Variants in CEP170B observed in about 807,000 individuals in gnomAD.
CEP170B encodes the protein centrosomal protein of 170 kDa protein B.
CEP170B carries 55 observed loss-of-function variants against 120.6 expected under a neutral mutation model. That is an observed-to-expected ratio of 0.46 (90% CI 0.37 to 0.57). The LOEUF (loss-of-function observed/expected upper bound fraction) is 0.57, where lower values mean the gene tolerates loss of function less well. Among genes scored for constraint, CEP170B ranks in the 20% least tolerant of loss-of-function variants. The pLI, the probability that CEP170B is intolerant of heterozygous loss-of-function variation, is 0.00. For synonymous variants in CEP170B, 1,033 were observed against 954.5 expected (o/e 1.08, Z -1.52); for missense variants, 2,212 against 2,253.3 (o/e 0.98, Z 0.37).
rs759732492 is a variant in CEP170B at position 104,893,541 on chromosome 14, G to A, written c.4057G>A (p.Glu1353Lys). 2.5e-6 allele frequency: 4 copies of A among 1,604,898 alleles called. No individual in the cohort carries two copies. The highest frequency in any genetic ancestry group is 2.2e-5 in the East Asian group (1 of 44,550). ...AREELVQRIP[E>K]ASLNFQKVPP... is the part of the protein sequence containing the mutation. ...CTTGCAGCTGGTGCAGCGCATCCCC[G>A]AGGCCAGCCTCAACTTCCAGAAGGT... Residue 1353 changes from glutamate (E) to lysine (K), a missense_variant, in exon 15 of 19, where the codon GAG becomes AAG. This residue lies in a region of CEP170B where 2,166 missense variants were observed against 2,166.7 expected (regional missense o/e 1.00). Coordinates refer to ENST00000414716, the MANE Select transcript of CEP170B (RefSeq NM_001112726.3).
intron 13 of CEP170B, 55 bp from the exon 14 acceptor site, chr14:104,892,921 C>A (rs534484012): frequency 5.8e-4 from 889 of 1,540,758 alleles, no homozygotes; most frequent in Middle Eastern, 9.6e-4. Flanking sequence ...CTGTCTGGCC[C>A]CTGCTGCCCC....
At position 104,882,064 on chromosome 14, in the gene CEP170B, G is replaced by A. The variant is rs185429987; in HGVS notation, c.473-664G>A. Reference sequence around the variant, plus strand: ...GGAGACTGTGGGCATGAGGGCCAGCGCCCTGACCTGAGGGCACTGGACACT... The same window carrying A: ...GGAGACTGTGGGCATGAGGGCCAGCACCCTGACCTGAGGGCACTGGACACT... On this transcript the variant is annotated intron_variant, in intron 6 of 18. Coordinates refer to ENST00000414716, the MANE Select transcript of CEP170B (RefSeq NM_001112726.3). 5.3e-5 allele frequency among the ~76,000 whole-genome samples: 8 copies of A among 152,286 alleles called. No individual in the cohort carries two copies. In the East Asian group the frequency reaches 7.7e-4, roughly 15 times the overall value.
At chr14:104,886,178 C>A (rs1177426730) in intron 11 of CEP170B, 48 bp downstream of exon 11, 2 of 1,485,956 alleles carry the variant, frequency 1.3e-6, no homozygotes, top group African/African-American at 1.4e-5. Flanking sequence ...CCGGGGCGGG[C>A]CTCAGGCCAC....
rs911702512 is a variant in CEP170B at position 104,877,836 on chromosome 14, A to G, written c.196-49A>G. ...CCACCCTGCGGCCCTGCCCACAGCC[A>G]CCCACCCGCGCAGCTCCCCCCCCCC... On this transcript the variant is annotated intron_variant, in intron 3 of 18. Coordinates refer to ENST00000414716, the MANE Select transcript of CEP170B (RefSeq NM_001112726.3). The G allele has an allele frequency of 1.3e-5, 3 of 237,168 alleles. No individual in the cohort carries two copies. The East Asian group carries it at 3.0e-4, about 23-fold the overall frequency. 14.7% of individuals were successfully genotyped at this position (237,168 alleles called of 1,614,324 possible).
rs5811157 is a variant in CEP170B, at chr14:104,872,489, CGT to C, written c.106-3757_106-3756del. Reference sequence around the variant, plus strand: ...GTGTGCCGTGTGTGTGCGTGTGTGCCGTGTGTGTGTGCGTGTGTAAGTGTGCA... The same window carrying C: ...GTGTGCCGTGTGTGTGCGTGTGTGCCGTGTGTGTGCGTGTGTAAGTGTGCA... On this transcript the variant is annotated intron_variant, in intron 2 of 18. Transcript: ENST00000414716. 4.0e-3 allele frequency among the ~76,000 whole-genome samples: 306 copies of C among 76,770 alleles called. 34 individuals are homozygous for C. The highest frequency in any genetic ancestry group is 1.7e-3 in the Non-Finnish European group (46 of 27,412). The allele number at this position is 76,770 out of a possible 152,430, so 50.4% of individuals were successfully genotyped here.
At chr14:104,866,772 G>A (rs1895229272) in intron 1 of CEP170B, among the ~76,000 whole-genome samples, 1 of 152,184 alleles carries the variant, frequency 6.6e-6, no homozygotes, top group Non-Finnish European at 1.5e-5. Context: ...TGAAGACCTT[G>A]GGCGTGGGCA....
At chr14:104,878,371 T>A in intron 4 of CEP170B, 72 bp from the exon 5 acceptor site, 3 of 1,503,450 alleles carry the variant, frequency 2.0e-6, no homozygotes, top group Non-Finnish European at 2.8e-6. Flanking sequence ...CTGGCACACC[T>A]GTTGCTGGGC....
In CEP170B at chr14:104,894,888, G is replaced by A. The variant is rs746008490; in HGVS notation, c.4595G>A (p.Arg1532Gln). 37 of 1,603,118 alleles carry A rather than the reference G, an allele frequency of 2.3e-5. No individual in the cohort carries two copies. Among genetic ancestry groups the A allele is most frequent in the South Asian group, 5.6e-5 (5 of 90,040 alleles). The change falls in exon 19 of 19, where the codon CGG becomes CAG. Residue 1532 changes from arginine to glutamine, a missense_variant. Around this residue, in one of 2 missense-constraint regions of CEP170B, gnomAD observed 2,166 missense variants for 2,166.7 expected, o/e 1.00. Coordinates refer to ENST00000414716, the MANE Select transcript of CEP170B (RefSeq NM_001112726.3). ...PALPLRNFPQ[R>Q]ASCGPPSLPD... Reference sequence around the variant, plus strand: ...CTGCCCCTGAGGAATTTCCCACAGCGGGCCAGCTGTGGGCCTCCCAGCCTC... The same window carrying A: ...CTGCCCCTGAGGAATTTCCCACAGCAGGCCAGCTGTGGGCCTCCCAGCCTC...
Position 104,865,760 on chromosome 14 carries a change from C to T in CEP170B, c.-28+247C>T, listed in dbSNP as rs1895170427. Among the ~76,000 whole-genome samples, 1 of 152,078 alleles carries T rather than the reference C, an allele frequency of 6.6e-6. No homozygotes were observed. The highest frequency in any genetic ancestry group is 2.1e-4 in the South Asian group (1 of 4,836). On this transcript the variant is annotated intron_variant, in intron 1 of 18. Transcript: ENST00000414716. This position sits in a 1 kb window ranked among gnomAD's most constrained non-coding sequence, Gnocchi z 6.7. ...GCGGAGGGGGCGGCAAGCCTGGGCA[C>T]CCGGGTCCCCGCCCCGGCACCGGCT... is the stretch of plus-strand genomic sequence containing the variant.
At position 104,885,351 on chromosome 14, in the gene CEP170B, A is replaced by G. The variant is rs748749918; in HGVS notation, c.1771-18A>G. ...GCTTCTCTGACCCTCGGTGCCTGGG[A>G]CCATTTCCTCTTGGCAGGTCTTTGG... is the stretch of plus-strand genomic sequence containing the variant. On this transcript the variant is annotated intron_variant, in intron 9 of 18. Transcript: ENST00000414716. The G allele has an allele frequency of 1.3e-6, 2 of 1,543,386 alleles. No homozygotes were observed. The highest frequency in any genetic ancestry group is 1.7e-6 in the Non-Finnish European group (2 of 1,146,524).
chr14:104,866,452 T>A lies in CEP170B; in HGVS notation c.-28+939T>A, dbSNP rs373134768. ...GGAGGGTGGGGCTGTAGAGGCCTCC[T>A]GGAGGCTTTGCTGTCTGGGGCTGCA... On this transcript the variant is annotated intron_variant, in intron 1 of 18. Transcript: ENST00000414716. Among the ~76,000 whole-genome samples the A allele has an allele frequency of 2.0e-5, 3 of 152,204 alleles. No individual in the cohort carries two copies. In the East Asian group the frequency reaches 5.8e-4, roughly 30 times the overall value.
chr14:104,892,618 C>T (rs1243093754), intron 13 of CEP170B, among the ~76,000 whole-genome samples: 5 of 152,234 alleles, frequency 3.3e-5, no homozygotes, highest in African/African-American at 1.2e-4. Context: ...GAGTCCCATC[C>T]ATCCCATTTG....
chr14:104,865,190 G>A (rs1411573192), upstream of CEP170B: 2 of 142,936 alleles, frequency 1.4e-5, no homozygotes, highest in Non-Finnish European at 3.1e-5. This position sits in a 1 kb window ranked among gnomAD's most constrained non-coding sequence, Gnocchi z 6.7. Flanking sequence ...CGCGGGGTGC[G>A]GCGCGGCCGG....
intron 6 of CEP170B, among the ~76,000 whole-genome samples, chr14:104,880,963 GCACCCCTTGAGCC>G: frequency 6.6e-6 from 1 of 152,312 alleles, no homozygotes; most frequent in South Asian, 2.1e-4. Flanking sequence ...GTGCACGCCT[GCACCCCTTGAGCC>G]CACAGTTCTT....
upstream of CEP170B, among the ~76,000 whole-genome samples, chr14:104,864,579 A>C (rs905829060): frequency 2.6e-5 from 4 of 152,088 alleles, no homozygotes; most frequent in Non-Finnish European, 5.9e-5. The surrounding 1 kb of genome is among the most constrained non-coding windows in gnomAD (Gnocchi z 5.9). Flanking sequence ...GCGCCTCCGT[A>C]GTTCCCAACC....
rs567343623 is a variant in CEP170B, at chr14:104,893,980, C to T, written c.4271+131C>T. 3 of 861,904 alleles carry T rather than the reference C, an allele frequency of 3.5e-6. No individual in the cohort carries two copies. The African/African-American group carries it at 5.0e-5, about 14-fold the overall frequency. 53.4% of individuals were successfully genotyped at this position (861,904 alleles called of 1,614,324 possible). On this transcript the variant is annotated intron_variant, in intron 16 of 18. Transcript: ENST00000414716. ...TCGTGTGCACCTGTGGAGCAGCCCT[C>T]CCGTGTGCACGTGTATGTGGCTCCC... is the stretch of plus-strand genomic sequence containing the variant.
intron 5 of CEP170B, among the ~76,000 whole-genome samples, chr14:104,879,144 G>A (rs1566857877): frequency 6.6e-6 from 1 of 152,156 alleles, no homozygotes; most frequent in African/African-American, 2.4e-5. Flanking sequence ...TGGAGTCTTC[G>A]AAGCTGAAGG....
At chr14:104,880,499 T>C in intron 6 of CEP170B, 74 bp downstream of exon 6, 1 of 1,566,134 alleles carries the variant, frequency 6.4e-7, no homozygotes, top group Non-Finnish European at 8.6e-7. Flanking sequence ...CCTGCCTCTC[T>C]GCACCCCTTA....
Position 104,894,321 on chromosome 14 carries a change from C to T in CEP170B, c.4308C>T (p.Asp1436=). 1.2e-6 allele frequency: 2 copies of T among 1,613,624 alleles called. No individual in the cohort carries two copies. ...AGAACACAGGGAGAGCTTGGGAGGACCTGGAAGCCAGGATCAACGCCGAGA... is the reference window on the plus strand; with the variant it reads ...AGAACACAGGGAGAGCTTGGGAGGATCTGGAAGCCAGGATCAACGCCGAGA... The part of the protein sequence containing the change: ...LFQNTGRAWE[D]LEARINAENE... The change falls in exon 17 of 19, where the codon GAC becomes GAT. Residue 1436 remains aspartate (D), a synonymous_variant. Transcript: ENST00000414716.
Sources: allele counts gnomAD v4.1 joint callset (sites outside exome capture counted in the v4.1 genomes callset), GRCh38; gene constraint gnomAD v4.1.1; regional missense constraint gnomAD v4.1.1; non-coding constraint Gnocchi (gnomAD v3.1); transcripts MANE v1.5; gene names NCBI Gene and HGNC (gene_info 2026-07-23, HGNC 2026-07-21).